GRIN1: variants seen among roughly 807,000 people sequenced by gnomAD.
GRIN1 encodes glutamate receptor ionotropic, NMDA 1.
Under a neutral mutation model 103.0 loss-of-function variants are expected in GRIN1, and 38 were observed. The observed-to-expected ratio is 0.37, with a 90% confidence interval of 0.28 to 0.48. The LOEUF (loss-of-function observed/expected upper bound fraction) is 0.48. Ranked by LOEUF, GRIN1 falls within the 20% of genes least tolerant of loss-of-function variation. The probability of loss-of-function intolerance (pLI) is 0.98; values close to 1 mark genes in which losing one functional copy is unlikely to be tolerated. For synonymous variants in GRIN1, 544 were observed against 532.7 expected, an observed-to-expected ratio of 1.02 and a Z score of -0.29; for missense variants, 577 against 1,288.9, an observed-to-expected ratio of 0.45 and a Z score of 8.46.
intron 7 of GRIN1, 43 bp downstream of exon 7, chr9:137,158,566 T>C (rs888542241): frequency 1.2e-6 from 2 of 1,605,562 alleles, no homozygotes; most frequent in Non-Finnish European, 1.7e-6. Context: ...GGCCTTAGGG[T>C]CCTGGGGCCA....
chr9:137,167,873 G>T lies in GRIN1; in HGVS notation c.*346G>T. 6.3e-7 allele frequency: 1 copy of T among 1,597,750 alleles called. No homozygotes were observed. Reference sequence around the variant, plus strand: ...CCGGAGGCGCCCACCTGCCCAGTTAGCCCGGCCAAGGACACTGATGGGTCC... The same window carrying T: ...CCGGAGGCGCCCACCTGCCCAGTTATCCCGGCCAAGGACACTGATGGGTCC... On this transcript the variant is annotated 3_prime_UTR_variant, in exon 20 of 20. Coordinates refer to ENST00000371561, the MANE Select transcript of GRIN1 (RefSeq NM_007327.4).
In GRIN1 at chr9:137,164,118, C is replaced by T. The variant is rs376155855; in HGVS notation, c.2589+214C>T. On this transcript the variant is annotated intron_variant, in intron 18 of 19. Coordinates refer to ENST00000371561, the MANE Select transcript of GRIN1 (RefSeq NM_007327.4). The stretch of plus-strand genomic sequence containing the variant: ...TGGCTGCCCACTGCAAAGCCGGGGC[C>T]GAGGGAGGCCACGCACCCTGCTCCA... 5 of 628,580 alleles carry T rather than the reference C, an allele frequency of 8.0e-6. 1 individual carries two copies. The highest frequency in any genetic ancestry group is 7.1e-5 in the South Asian group (4 of 56,732). 38.9% of individuals were successfully genotyped at this position (628,580 alleles called of 1,614,324 possible). A position where few individuals can be genotyped will look rare whatever the true frequency, so the allele number is the denominator to read the frequency against.
In GRIN1 at chr9:137,146,006, C is replaced by A; in HGVS notation, c.570+104C>A. On this transcript the variant is annotated intron_variant, in intron 3 of 19. Coordinates refer to ENST00000371561, the MANE Select transcript of GRIN1 (RefSeq NM_007327.4). The surrounding 1 kb of genome is among the most constrained non-coding windows in gnomAD (Gnocchi z 6.7). ...GTGACACCCTCTTCTTTCCATCGTG[C>A]ATGGTCAGCACCACCACGTCTGGCG... is the stretch of plus-strand genomic sequence containing the variant. 2.4e-6 allele frequency: 2 copies of A among 843,590 alleles called. No individual in the cohort carries two copies. The highest frequency in any genetic ancestry group is 3.8e-6 in the Non-Finnish European group (2 of 527,178). The allele number at this position is 843,590 out of a possible 1,614,324, so 52.3% of individuals were successfully genotyped here. A position where few individuals can be genotyped will look rare whatever the true frequency, so the allele number is the denominator to read the frequency against.
chr9:137,143,706 C>T lies in GRIN1; in HGVS notation c.393+1559C>T, dbSNP rs760868870. Reference sequence around the variant, plus strand: ...TCAAGCACAGCCTGCCTTGCCACCACGTCACCAGGTGGATAGACAGAAGCA... The same window carrying T: ...TCAAGCACAGCCTGCCTTGCCACCATGTCACCAGGTGGATAGACAGAAGCA... On this transcript the variant is annotated intron_variant, in intron 2 of 19. Transcript: ENST00000371561. Among the ~76,000 whole-genome samples the T allele has an allele frequency of 1.3e-4, 20 of 152,362 alleles. No individual in the cohort carries two copies. In the East Asian group the frequency reaches 1.9e-3, roughly 15 times the overall value.
intron 6 of GRIN1, among the ~76,000 whole-genome samples, chr9:137,157,289 T>C (rs577931171): frequency 6.6e-6 from 1 of 152,190 alleles, no homozygotes; most frequent in East Asian, 1.9e-4. Context: ...CTCTCAGGGG[T>C]ACTGCAGTGG....
chr9:137,163,399 C>T, intron 16 of GRIN1, 69 bp downstream of exon 16: 1 of 1,562,070 alleles, frequency 6.4e-7, no homozygotes, highest in Non-Finnish European at 8.8e-7. Context: ...TCCCCAGTGC[C>T]AGACCACTCC....
chr9:137,162,113 T>TGGGGGGGGGG, intron 11 of GRIN1, 25 bp downstream of exon 11: 1 of 301,218 alleles, frequency 3.3e-6, no homozygotes, highest in Non-Finnish European at 6.2e-6. Flanking sequence ...GGTGGCGGGG[T>TGGGGGGGGGG]GGCGGCGGGG....
In GRIN1 at chr9:137,145,852, C is replaced by T. The variant is rs1428401114; in HGVS notation, c.520C>T (p.Arg174Trp). The T allele has an allele frequency of 1.2e-6, 2 of 1,610,930 alleles. No homozygotes were observed. The highest frequency in any genetic ancestry group is 1.1e-5 in the South Asian group (1 of 90,464). Residue 174 changes from arginine to tryptophan, a missense_variant, in exon 3 of 20, where the codon CGG becomes TGG. Arg to Trp is a moderately radical substitution (Grantham distance 101). Coordinates refer to ENST00000371561, the MANE Select transcript of GRIN1 (RefSeq NM_007327.4). ...GCTGGTCAGCGACGACCACGAGGGCCGGGCGGCTCAGAAACGCCTGGAGAC... is the reference window on the plus strand; with the variant it reads ...GCTGGTCAGCGACGACCACGAGGGCTGGGCGGCTCAGAAACGCCTGGAGAC... The part of the protein sequence containing the change: ...ILLVSDDHEG[R>W]AAQKRLETLL...
At chr9:137,161,697 TGG>T (rs2131294768) in intron 10 of GRIN1, among the ~76,000 whole-genome samples, 1 of 6,018 alleles carries the variant, frequency 1.7e-4, no homozygotes, top group South Asian at 6.9e-3. Flanking sequence ...GGGTCTGGAG[TGG>T]GCGGGACGTG....
intron 19 of GRIN1, chr9:137,165,536 A>C (rs958544819): frequency 3.3e-4 from 166 of 501,302 alleles, no homozygotes; most frequent in South Asian, 5.5e-4. Flanking sequence ...CTGCCCGCCC[A>C]CCTCCCCTGC....
Position 137,167,524 on chromosome 9 carries a change from C to T in GRIN1, c.2814C>T (p.Ser938=). 1 of 1,549,524 alleles carries T rather than the reference C, an allele frequency of 6.5e-7. No homozygotes were observed. Among genetic ancestry groups the T allele is most frequent in the East Asian group, 2.4e-5 (1 of 42,020 alleles). ...AGCTGTGTTCCCGTCATAGGGAGAG[C>T]TGAGACTCCCCGCCCGCCCTCCTCT... The part of the protein sequence containing the change: ...QLQLCSRHRE[S] The change falls in exon 20 of 20, where the codon AGC becomes AGT. Residue 938 remains serine, a synonymous_variant. Coordinates refer to ENST00000371561, the MANE Select transcript of GRIN1 (RefSeq NM_007327.4).
In GRIN1 at chr9:137,146,005, G is replaced by A. The variant is rs1323607344; in HGVS notation, c.570+103G>A. On this transcript the variant is annotated intron_variant, in intron 3 of 19. Transcript: ENST00000371561. This position sits in a 1 kb window ranked among gnomAD's most constrained non-coding sequence, Gnocchi z 6.7. ...TGTGACACCCTCTTCTTTCCATCGT[G>A]CATGGTCAGCACCACCACGTCTGGC... 7.1e-6 allele frequency: 6 copies of A among 844,954 alleles called. No individual in the cohort carries two copies. The Admixed American group carries it at 1.1e-4, about 15-fold the overall frequency. 52.3% of individuals were successfully genotyped at this position (844,954 alleles called of 1,614,324 possible).
intron 19 of GRIN1, among the ~76,000 whole-genome samples, chr9:137,165,935 G>A (rs1833854538): frequency 6.6e-6 from 1 of 152,206 alleles, no homozygotes; most frequent in African/African-American, 2.4e-5. Flanking sequence ...TGGACGGCTG[G>A]GGCCTGGAGT....
intron 8 of GRIN1, 72 bp downstream of exon 8, chr9:137,158,776 G>C (rs1477912938): frequency 8.7e-7 from 1 of 1,152,158 alleles, no homozygotes; most frequent in African/African-American, 1.5e-5. Context: ...GCCTGAAGGA[G>C]GAGGGTGCGG....
chr9:137,163,982 G>C, intron 18 of GRIN1, 78 bp downstream of exon 18: 1 of 1,529,230 alleles, frequency 6.5e-7, no homozygotes, highest in Non-Finnish European at 9.0e-7. Flanking sequence ...CGAAGGCCGT[G>C]GCACTGGCTC....
intron 8 of GRIN1, among the ~76,000 whole-genome samples, chr9:137,160,499 C>T (rs1246511237): frequency 3.3e-5 from 5 of 152,024 alleles, no homozygotes; most frequent in Non-Finnish European, 5.9e-5. Context: ...GCGCGGTCTC[C>T]GCTCACTGCA....
intron 1 of GRIN1, 120 bp from the exon 2 acceptor site, chr9:137,141,893 T>G: frequency 9.4e-7 from 1 of 1,058,800 alleles, no homozygotes; most frequent in Non-Finnish European, 1.5e-6. Context: ...TGTACCCGAA[T>G]CATGCCCCCA....
rs201457522 is a variant in GRIN1 at position 137,166,534 on chromosome 9, CG to C, written c.2701-873del. Among the ~76,000 whole-genome samples the C allele has an allele frequency of 7.0e-3, 1,070 of 152,368 alleles. 57 individuals carry two copies. In the South Asian group the frequency reaches 0.13, roughly 18 times the overall value. Reference sequence around the variant, plus strand: ...CACCTGCCCCTCAGTGCACTGGAAGCGGGGCAGACCTCCAGGGCACAGACAG... The same window carrying C: ...CACCTGCCCCTCAGTGCACTGGAAGCGGGCAGACCTCCAGGGCACAGACAG... On this transcript the variant is annotated intron_variant, in intron 19 of 19. Transcript: ENST00000371561.
At chr9:137,158,547 G>A (rs930076335) in intron 7 of GRIN1, 24 bp downstream of exon 7, 4 of 1,610,482 alleles carry the variant, frequency 2.5e-6, no homozygotes, top group Non-Finnish European at 3.4e-6. Context: ...ATGAGGGGGT[G>A]GGGGCTGGGG....
Sources: allele counts gnomAD v4.1 joint callset (sites outside exome capture counted in the v4.1 genomes callset), GRCh38; gene constraint gnomAD v4.1.1; non-coding constraint Gnocchi (gnomAD v3.1); transcripts MANE v1.5; gene names NCBI Gene and HGNC (gene_info 2026-07-23, HGNC 2026-07-21).